SMOC2: variants seen among roughly 807,000 people sequenced by gnomAD.
SMOC2 encodes the protein SPARC related modular calcium binding 2.
A neutral mutation model predicts 61.4 loss-of-function variants in SMOC2; 39 were observed. The observed-to-expected ratio is 0.64, with a 90% CI of 0.49 to 0.83. SMOC2 has a LOEUF of 0.83. SMOC2 is among the 40% of genes least tolerant of loss of function. SMOC2 has a pLI of 0.00. For synonymous variants in SMOC2, 247 were observed against 239.9 expected (o/e 1.03, Z -0.27); for missense variants, 556 against 592.9 (o/e 0.94, Z 0.65).
chr6:168,636,860 T>TCCCGCCTCCCTCCTG (rs1786738301), intron 9 of SMOC2, among the ~76,000 whole-genome samples: 1 of 106,664 alleles, frequency 9.4e-6, no homozygotes, highest in East Asian at 4.5e-4. Flanking sequence ...GCCTCCCTCC[T>TCCCGCCTCCCTCCTG]CCCGCCTCCC....
intron 2 of SMOC2, among the ~76,000 whole-genome samples, chr6:168,518,712 G>A (rs2115063098): frequency 6.8e-6 from 1 of 147,282 alleles, no homozygotes; most frequent in South Asian, 2.2e-4. Flanking sequence ...ATGTGTGAGT[G>A]TTATGCTTAT....
intron 7 of SMOC2, among the ~76,000 whole-genome samples, chr6:168,565,016 C>T (rs12205711): frequency 0.11 from 17,398 of 152,176 alleles, 1,179 homozygotes; most frequent in African/African-American, 0.18. Context: ...GAATAAAAGG[C>T]AATCCTATTT....
intron 12 of SMOC2, among the ~76,000 whole-genome samples, chr6:168,665,884 A>G (rs1787651207): frequency 6.6e-6 from 1 of 152,164 alleles, no homozygotes; most frequent in Non-Finnish European, 1.5e-5. Context: ...TTGGAAAACT[A>G]AGTCTAGGAG....
chr6:168,645,824 C>A (rs781612857), intron 9 of SMOC2, among the ~76,000 whole-genome samples: 5 of 152,200 alleles, frequency 3.3e-5, no homozygotes, highest in Non-Finnish European at 5.9e-5. Context: ...ATCAGGCCAG[C>A]AAAGGCATTC....
At chr6:168,527,300 C>A (rs1391786464) in intron 3 of SMOC2, among the ~76,000 whole-genome samples, 1 of 152,138 alleles carries the variant, frequency 6.6e-6, no homozygotes, top group South Asian at 2.1e-4. Flanking sequence ...GAGCTCCTGA[C>A]CTTCCCGGGC....
chr6:168,551,942 A>AT (rs1404954679), intron 7 of SMOC2, among the ~76,000 whole-genome samples: 1 of 152,202 alleles, frequency 6.6e-6, no homozygotes, highest in Non-Finnish European at 1.5e-5. Flanking sequence ...GGCTTTTGGT[A>AT]TTTAGTGGGA....
At chr6:168,501,365 A>G (rs1434670220) in intron 1 of SMOC2, among the ~76,000 whole-genome samples, 1 of 152,154 alleles carries the variant, frequency 6.6e-6, no homozygotes, top group Non-Finnish European at 1.5e-5. Flanking sequence ...GGAAAAGGAG[A>G]AGAGAGTTGC....
chr6:168,536,470 C>T (rs13195338), intron 4 of SMOC2, among the ~76,000 whole-genome samples: 33,663 of 152,014 alleles, frequency 0.22, 4,934 homozygotes, highest in Non-Finnish European at 0.32. Flanking sequence ...CTGAATGTCC[C>T]GCATGGGCCA....
At chr6:168,445,191 G>A (rs569504757) in intron 1 of SMOC2, among the ~76,000 whole-genome samples, 5 of 152,242 alleles carry the variant, frequency 3.3e-5, no homozygotes, top group Non-Finnish European at 5.9e-5. Flanking sequence ...TTCTTCGTGG[G>A]AGTTCCCTGC....
intron 1 of SMOC2, among the ~76,000 whole-genome samples, chr6:168,467,322 T>C (rs1781865019): frequency 1.4e-5 from 2 of 146,274 alleles, no homozygotes; most frequent in South Asian, 2.2e-4. Flanking sequence ...TTTTTTTTTT[T>C]CAGAGATGGA....
At chr6:168,621,500 C>T (rs1050787917) in intron 9 of SMOC2, among the ~76,000 whole-genome samples, 5 of 152,062 alleles carry the variant, frequency 3.3e-5, no homozygotes, top group African/African-American at 1.2e-4. Context: ...AGTAGTAACC[C>T]GCTTGTACTA....
In SMOC2 at chr6:168,653,010, T is replaced by C; in HGVS notation, c.1067T>C (p.Phe356Ser). ...TLEERVVHWYFKLLDKNSSGD... is the reference protein window; with the variant it reads ...TLEERVVHWYSKLLDKNSSGD... ...GAGGAGCGGGTGGTGCACTGGTACT[T>C]CAAACTACTGGATAAAAACTCCAGT... is the stretch of plus-strand genomic sequence containing the variant. The change falls in exon 11 of 13, where the codon TTC becomes TCC. Residue 356 changes from phenylalanine to serine, a missense_variant. Phe to Ser is a radical substitution (Grantham distance 155). Coordinates refer to ENST00000356284, the MANE Select transcript of SMOC2 (RefSeq NM_001166412.2). The C allele has an allele frequency of 6.2e-7, 1 of 1,614,004 alleles. No individual in the cohort carries two copies. The highest frequency in any genetic ancestry group is 8.5e-7 in the Non-Finnish European group (1 of 1,179,980).
intron 2 of SMOC2, among the ~76,000 whole-genome samples, chr6:168,519,215 G>A (rs1158929634): frequency 1.7e-5 from 2 of 119,032 alleles, no homozygotes; most frequent in Non-Finnish European, 4.0e-5. Flanking sequence ...GCATGCGTGT[G>A]TGAGAGAGTG....
chr6:168,511,799 T>A (rs1783014003), intron 2 of SMOC2, among the ~76,000 whole-genome samples: 1 of 145,222 alleles, frequency 6.9e-6, no homozygotes, highest in African/African-American at 2.5e-5. Flanking sequence ...AAATGGCTAT[T>A]CATTATCAAG....
intron 7 of SMOC2, among the ~76,000 whole-genome samples, chr6:168,552,089 G>C (rs1003658321): frequency 1.3e-5 from 2 of 152,180 alleles, no homozygotes; most frequent in Non-Finnish European, 2.9e-5. Flanking sequence ...GAAGCTACTG[G>C]ACTATGTTTG....
chr6:168,602,523 C>G (rs1785577824), intron 8 of SMOC2, among the ~76,000 whole-genome samples: 1 of 152,174 alleles, frequency 6.6e-6, no homozygotes, highest in South Asian at 2.1e-4. Flanking sequence ...ACTGAACGCC[C>G]AGACCCAGAC....
At chr6:168,482,309 A>G (rs193040264) in intron 1 of SMOC2, among the ~76,000 whole-genome samples, 66 of 152,242 alleles carry the variant, frequency 4.3e-4, no homozygotes, top group Admixed American at 4.0e-3. Context: ...ATGCTAATAC[A>G]TAGGATAATC....
chr6:168,599,811 CCACA>C (rs77047132), intron 8 of SMOC2, among the ~76,000 whole-genome samples: 1 of 90,942 alleles, frequency 1.1e-5, no homozygotes, highest in Non-Finnish European at 2.1e-5. Flanking sequence ...CACATTCACC[CCACA>C]CACACACACA....
At position 168,509,769 on chromosome 6, in the gene SMOC2, G is replaced by A. The variant is rs1287356154; in HGVS notation, c.85-146G>A. 24 of 634,190 alleles carry A rather than the reference G, an allele frequency of 3.8e-5. No homozygotes were observed. In the Admixed American group the frequency reaches 5.5e-4, roughly 14 times the overall value. The allele number at this position is 634,190 out of a possible 1,614,324, so 39.3% of individuals were successfully genotyped here. On this transcript the variant is annotated intron_variant, in intron 1 of 12. Coordinates refer to ENST00000356284, the MANE Select transcript of SMOC2 (RefSeq NM_001166412.2). ...TAAAATGTTCAGAGGTGCACGTGGC[G>A]CTTCTGGCAGGGGTGAGAACCGGGT...
Sources: allele counts gnomAD v4.1 joint callset (sites outside exome capture counted in the v4.1 genomes callset), GRCh38; gene constraint gnomAD v4.1.1; transcripts MANE v1.5; gene names NCBI Gene and HGNC (gene_info 2026-07-23, HGNC 2026-07-21).